The following PHF20 variants were observed in gnomAD, a reference collection of about 807,000 sequenced individuals.
The protein encoded by PHF20 is PHD finger protein 20.
A neutral mutation model predicts 113.5 loss-of-function variants in PHF20; 23 were observed. The observed-to-expected ratio is 0.20, with a 90% CI of 0.15 to 0.29. The LOEUF is 0.29. PHF20 is among the 10% of genes least tolerant of loss of function. The pLI, the probability that PHF20 is intolerant of heterozygous loss-of-function variation, is 1.00. For synonymous variants in PHF20, 434 were observed against 457.3 expected (o/e 0.95, Z 0.65); for missense variants, 943 against 1,219.6 (o/e 0.77, Z 3.38).
chr20:35,939,930 G>T (rs2147129368), intron 16 of PHF20, among the ~76,000 whole-genome samples: 1 of 152,318 alleles, frequency 6.6e-6, no homozygotes, highest in African/African-American at 2.4e-5. Flanking sequence ...TCTAAACGGT[G>T]TTGGGCAAGG....
At chr20:35,866,248 G>C (rs2054318553) in intron 6 of PHF20, among the ~76,000 whole-genome samples, 1 of 152,018 alleles carries the variant, frequency 6.6e-6, no homozygotes, top group Non-Finnish European at 1.5e-5. Flanking sequence ...AAAATTACAT[G>C]TGGCTTGCAC....
chr20:35,853,389 C>T (rs2042774411), intron 4 of PHF20: 1 of 152,174 alleles, frequency 6.6e-6, no homozygotes, highest in Non-Finnish European at 1.5e-5. Context: ...TGAAAACCCT[C>T]CGTTTTCCAT....
rs369204786 is a variant in PHF20 at position 35,834,036 on chromosome 20, C to T, written c.84-8537C>T. 4.0e-4 allele frequency among the ~76,000 whole-genome samples: 61 copies of T among 151,542 alleles called. 2 individuals are homozygous for T. In the South Asian group the frequency reaches 5.7e-3, roughly 14 times the overall value. Reference sequence around the variant, plus strand: ...TCATGCCACTGTACTCCAGCCTGGGCGACAGAGTGAGATTCCGTCTCAAAA... The same window carrying T: ...TCATGCCACTGTACTCCAGCCTGGGTGACAGAGTGAGATTCCGTCTCAAAA... On this transcript the variant is annotated intron_variant, in intron 2 of 17. Transcript: ENST00000374012.
intron 14 of PHF20, 56 bp downstream of exon 14, chr20:35,927,935 C>G: frequency 8.5e-7 from 1 of 1,182,026 alleles, no homozygotes; most frequent in Non-Finnish European, 1.3e-6. Flanking sequence ...CTTGGCACAG[C>G]TGGCTGTGAC....
chr20:35,792,227 C>T (rs565705981), intron 1 of PHF20, among the ~76,000 whole-genome samples: 25 of 152,130 alleles, frequency 1.6e-4, no homozygotes, highest in East Asian at 5.8e-4. Flanking sequence ...CTTGCTCTGT[C>T]GCCAGGCTGG....
At chr20:35,946,643 CTTTTT>C (rs2056088097) in intron 17 of PHF20, among the ~76,000 whole-genome samples, 1 of 149,170 alleles carries the variant, frequency 6.7e-6, no homozygotes, top group South Asian at 2.1e-4. Context: ...CATGGGAAAG[CTTTTT>C]ATTTTTTATT....
chr20:35,787,976 C>T (rs1382774553), intron 1 of PHF20, among the ~76,000 whole-genome samples: 1 of 151,716 alleles, frequency 6.6e-6, no homozygotes, highest in Admixed American at 6.6e-5. Flanking sequence ...CAGGGTTTCA[C>T]CATTTTGGCC....
chr20:35,863,490 C>T (rs1383993029), intron 6 of PHF20, 90 bp downstream of exon 6: 15 of 1,295,474 alleles, frequency 1.2e-5, no homozygotes, highest in Middle Eastern at 2.0e-4. Flanking sequence ...GTACGTCAAT[C>T]GTTTATTTTT....
chr20:35,911,204 C>G (rs1258411949), intron 10 of PHF20, among the ~76,000 whole-genome samples: 2 of 152,090 alleles, frequency 1.3e-5, no homozygotes, highest in South Asian at 2.1e-4. Context: ...CCACGCCCGG[C>G]TAATTTTTTC....
intron 2 of PHF20, among the ~76,000 whole-genome samples, chr20:35,817,011 C>T (rs949942220): frequency 3.4e-5 from 5 of 148,314 alleles, no homozygotes; most frequent in Non-Finnish European, 7.4e-5. Context: ...AGGCTGGTCT[C>T]GAACTCCTGA....
chr20:35,927,797 C>T lies in PHF20; in HGVS notation c.2022C>T (p.Cys674=). Residue 674 remains cysteine (C), a synonymous_variant, in exon 14 of 18, where the codon TGC becomes TGT. Transcript: ENST00000374012. ...DFMIQCEECQ[C]WQHGVCMGLL... is the part of the protein sequence containing the mutation. ...TCTAACAGTGTGAAGAGTGCCAGTG[C>T]TGGCAGCATGGGGTCTGCATGGGAT... 1 of 1,613,178 alleles carries T rather than the reference C, an allele frequency of 6.2e-7. No individual in the cohort carries two copies. Among genetic ancestry groups the T allele is most frequent in the South Asian group, 1.1e-5 (1 of 91,068 alleles).
chr20:35,775,215 T>C (rs1250421711), intron 1 of PHF20, among the ~76,000 whole-genome samples: 4 of 152,274 alleles, frequency 2.6e-5, no homozygotes, highest in Non-Finnish European at 1.5e-5. Context: ...ATTTGGTAGA[T>C]CTAGGATGGG....
rs565042326 is a variant in PHF20, at chr20:35,930,669, G to A, written c.2105-580G>A. On this transcript the variant is annotated intron_variant, in intron 14 of 17. Coordinates refer to ENST00000374012, the MANE Select transcript of PHF20 (RefSeq NM_016436.5). ...AGCCTGGGCAACAGAGTGAGACCCT[G>A]CCAACAAAGCAGGAAAAAAATAAAA... is the stretch of plus-strand genomic sequence containing the variant. Among the ~76,000 whole-genome samples, 337 of 152,238 alleles carry A rather than the reference G, an allele frequency of 2.2e-3. 1 individual carries two copies. Among genetic ancestry groups the A allele is most frequent in the African/African-American group, 7.3e-3 (304 of 41,546 alleles).
rs757347871 is a variant in PHF20 at position 35,863,224 on chromosome 20, A to G, written c.632A>G (p.Lys211Arg). The G allele has an allele frequency of 2.5e-6, 4 of 1,613,988 alleles. No homozygotes were observed. Among genetic ancestry groups the G allele is most frequent in the Non-Finnish European group, 3.4e-6 (4 of 1,180,012 alleles). ...TCTGAAAAGGGGAAAGTGTCAGAGA[A>G]AAGTCTTCCCAAGAACGAGAAGGAA... ...ICSEKGKVSE[K>R]SLPKNEKEDK... Residue 211 changes from lysine to arginine, a missense_variant, in exon 6 of 18, where the codon AAA (lysine) becomes AGA (arginine). Physicochemically the swap from Lys to Arg is conservative, Grantham distance 26. This residue lies in a region of PHF20 where 592 missense variants were observed against 787.2 expected (regional missense o/e 0.75). Transcript: ENST00000374012.
intron 9 of PHF20, among the ~76,000 whole-genome samples, chr20:35,886,155 T>C (rs990740259): frequency 1.6e-4 from 24 of 151,740 alleles, no homozygotes; most frequent in Non-Finnish European, 3.4e-4. Context: ...TTTTTTTTTT[T>C]TGAGACAGAG....
At chr20:35,940,489 C>T (rs2055956039) in intron 16 of PHF20, among the ~76,000 whole-genome samples, 1 of 151,990 alleles carries the variant, frequency 6.6e-6, no homozygotes, top group African/African-American at 2.4e-5. Flanking sequence ...CGCACATTCG[C>T]AGGAGATGGA....
chr20:35,914,120 A>G lies in PHF20; in HGVS notation c.1748A>G (p.His583Arg). Residue 583 changes from histidine (H) to arginine (R), a missense_variant, in exon 12 of 18, where the codon CAC (histidine) becomes CGC (arginine). By Grantham distance (29) the His-to-Arg change is conservative (BLOSUM62 0). Around this residue, in one of 3 missense-constraint regions of PHF20, gnomAD observed 592 missense variants for 787.2 expected, o/e 0.75. Transcript: ENST00000374012. ...AFAVTRCGSS[H>R]KPGVHMSPQL... ...GCTGTTACCAGGTGTGGGTCCTCAC[A>G]CAAGCCAGGGGTCCATATGAGCCCG... The G allele has an allele frequency of 6.2e-7, 1 of 1,614,186 alleles. No homozygotes were observed. Among genetic ancestry groups the G allele is most frequent in the Non-Finnish European group, 8.5e-7 (1 of 1,180,030 alleles).
chr20:35,856,926 G>A (rs2042838820), intron 4 of PHF20, among the ~76,000 whole-genome samples: 1 of 152,172 alleles, frequency 6.6e-6, no homozygotes. Flanking sequence ...GTTGGAGGTT[G>A]AATACTTTTG....
intron 6 of PHF20, among the ~76,000 whole-genome samples, chr20:35,864,760 T>G (rs1332872401): frequency 6.6e-6 from 1 of 152,190 alleles, no homozygotes; most frequent in African/African-American, 2.4e-5. Context: ...AGACCTCTGC[T>G]GTCTAGTATG....
Sources: allele counts gnomAD v4.1 joint callset (sites outside exome capture counted in the v4.1 genomes callset), GRCh38; gene constraint gnomAD v4.1.1; regional missense constraint gnomAD v4.1.1; transcripts MANE v1.5; gene names NCBI Gene and HGNC (gene_info 2026-07-23, HGNC 2026-07-21).